Variants in LAMA2 observed in about 807,000 individuals in gnomAD.
LAMA2 encodes laminin subunit alpha 2.
Under a neutral mutation model 364.8 loss-of-function variants are expected in LAMA2, and 269 were observed. That is an observed-to-expected ratio of 0.74 (90% CI 0.67 to 0.82). LAMA2 has a LOEUF of 0.82. Ranked by LOEUF, LAMA2 falls within the 40% of genes least tolerant of loss-of-function variation. The pLI is 0.00. For synonymous variants in LAMA2, 1,379 were observed against 1,370.6 expected, an observed-to-expected ratio of 1.01 and a Z score of -0.14; for missense variants, 3,807 against 3,873.2, an observed-to-expected ratio of 0.98 and a Z score of 0.45.
chr6:129,239,383 A>T (rs1338583271), intron 12 of LAMA2, among the ~76,000 whole-genome samples: 1 of 152,218 alleles, frequency 6.6e-6, no homozygotes, highest in African/African-American at 2.4e-5. Flanking sequence ...GCTGTACCCT[A>T]TATAAGCTTT....
rs7741035 is a variant in LAMA2, at chr6:129,479,021, T to C, written c.7572+208T>C. ...AAGTCCTAGAATTGTGATCCAATTT[T>C]CCAAATGTATAGCTCTTTATAGCAC... On this transcript the variant is annotated intron_variant, in intron 54 of 64. Coordinates refer to ENST00000421865, the MANE Select transcript of LAMA2 (RefSeq NM_000426.4). Among the ~76,000 whole-genome samples, 48,735 of 152,066 alleles carry C rather than the reference T, an allele frequency of 0.32. 8,424 individuals are homozygous for C. Among genetic ancestry groups the C allele is most frequent in the African/African-American group, 0.45 (18,861 of 41,466 alleles).
intron 45 of LAMA2, among the ~76,000 whole-genome samples, chr6:129,451,589 G>C (rs1219460033): frequency 6.6e-6 from 1 of 152,184 alleles, no homozygotes; most frequent in East Asian, 1.9e-4. Flanking sequence ...TAGCAGATCA[G>C]GTGAGGCAAC....
At chr6:128,954,274 G>A (rs916035846) in intron 1 of LAMA2, among the ~76,000 whole-genome samples, 1 of 151,614 alleles carries the variant, frequency 6.6e-6, no homozygotes, top group Non-Finnish European at 1.5e-5. Context: ...CATTTTAGCT[G>A]TTATAAAACA....
intron 35 of LAMA2, among the ~76,000 whole-genome samples, chr6:129,389,220 T>A (rs1347429911): frequency 6.6e-6 from 1 of 152,230 alleles, no homozygotes; most frequent in Non-Finnish European, 1.5e-5. Flanking sequence ...GGAATGGCCA[T>A]ATTTGTTCTT....
At chr6:129,327,208 C>T (rs191647602) in intron 28 of LAMA2, among the ~76,000 whole-genome samples, 1 of 152,110 alleles carries the variant, frequency 6.6e-6, no homozygotes, top group Non-Finnish European at 1.5e-5. Context: ...TTTGCATTAT[C>T]CAAATCAAAA....
rs910429951 is a variant in LAMA2 at position 129,372,333 on chromosome 6, C to G, written c.4959+2343C>G. On this transcript the variant is annotated intron_variant, in intron 34 of 64. Coordinates refer to ENST00000421865, the MANE Select transcript of LAMA2 (RefSeq NM_000426.4). ...CTCCCTCTTCCTTGACCCCTGGCAA[C>G]CACTCATATTTTTACTACATCCATA... Among the ~76,000 whole-genome samples the G allele has an allele frequency of 2.0e-5, 3 of 152,188 alleles. No homozygotes were observed. The South Asian group carries it at 6.2e-4, about 31-fold the overall frequency.
At chr6:129,202,558 G>C (rs573645270) in intron 12 of LAMA2, among the ~76,000 whole-genome samples, 11 of 152,224 alleles carry the variant, frequency 7.2e-5, no homozygotes, top group African/African-American at 2.6e-4. Flanking sequence ...GGATTTCCTA[G>C]TCTCCAGCAC....
chr6:128,956,757 CA>C (rs1781173302), intron 1 of LAMA2, among the ~76,000 whole-genome samples: 1 of 152,008 alleles, frequency 6.6e-6, no homozygotes, highest in East Asian at 1.9e-4. Flanking sequence ...TTATGTCATA[CA>C]AATTCATGTT....
intron 1 of LAMA2, 151 bp downstream of exon 1, chr6:128,883,508 TCAA>T: frequency 7.8e-7 from 1 of 1,275,808 alleles, no homozygotes; most frequent in Non-Finnish European, 1.1e-6. Flanking sequence ...TGAAGCAAGT[TCAA>T]GTTCAATGCC....
At chr6:129,244,920 T>C (rs1338873834) in intron 12 of LAMA2, among the ~76,000 whole-genome samples, 1 of 152,186 alleles carries the variant, frequency 6.6e-6, no homozygotes, top group Non-Finnish European at 1.5e-5. Flanking sequence ...ATAGTAACTA[T>C]AATATTACTT....
At chr6:129,205,485 T>G (rs1267301251) in intron 12 of LAMA2, among the ~76,000 whole-genome samples, 1 of 121,924 alleles carries the variant, frequency 8.2e-6, no homozygotes, top group African/African-American at 4.1e-5. Flanking sequence ...TAAGTATATA[T>G]ATATATATAC....
intron 1 of LAMA2, among the ~76,000 whole-genome samples, chr6:129,028,296 T>C (rs1435014937): frequency 6.6e-6 from 1 of 151,634 alleles, no homozygotes; most frequent in African/African-American, 2.4e-5. Context: ...AGCCATGTTG[T>C]ATTCTTGCAT....
rs915303148 is a variant in LAMA2 at position 129,289,155 on chromosome 6, G to A, written c.2749+1097G>A. ...AAATCACTTTCTGGACCAACTGGCAGCTGTTAATATAACCTGTAAATTGAT... is the reference window on the plus strand; with the variant it reads ...AAATCACTTTCTGGACCAACTGGCAACTGTTAATATAACCTGTAAATTGAT... On this transcript the variant is annotated intron_variant, in intron 19 of 64. Coordinates refer to ENST00000421865, the MANE Select transcript of LAMA2 (RefSeq NM_000426.4). Among the ~76,000 whole-genome samples, 4 of 152,190 alleles carry A rather than the reference G, an allele frequency of 2.6e-5. No individual in the cohort carries two copies. The South Asian group carries it at 6.2e-4, about 24-fold the overall frequency.
chr6:128,939,849 G>T (rs1487619069), intron 1 of LAMA2, among the ~76,000 whole-genome samples: 1 of 152,058 alleles, frequency 6.6e-6, no homozygotes, highest in African/African-American at 2.4e-5. Flanking sequence ...GCCTTTCCTG[G>T]TTCTCCCTGA....
chr6:128,888,342 A>T (rs1273119174), intron 1 of LAMA2, among the ~76,000 whole-genome samples: 1 of 152,196 alleles, frequency 6.6e-6, no homozygotes, highest in Non-Finnish European at 1.5e-5. Flanking sequence ...TAAAGAAGAT[A>T]AAAAAATTCC....
At chr6:129,099,125 G>GTTTTTTTTTTT (rs370334822) in intron 4 of LAMA2, among the ~76,000 whole-genome samples, 13 of 129,794 alleles carry the variant, frequency 1.0e-4, no homozygotes, top group Non-Finnish European at 1.3e-4. Flanking sequence ...TTTTTTTTTT[G>GTTTTTTTTTTT]TTTTTTTTTT....
chr6:129,078,557 T>C (rs959423992), intron 3 of LAMA2, among the ~76,000 whole-genome samples: 3 of 152,208 alleles, frequency 2.0e-5, no homozygotes, highest in Non-Finnish European at 4.4e-5. Flanking sequence ...ATTATCTATT[T>C]TTTTTCTCAA....
At chr6:128,891,804 T>C (rs75921500) in intron 1 of LAMA2, among the ~76,000 whole-genome samples, 453 of 152,198 alleles carry the variant, frequency 3.0e-3, no homozygotes, top group African/African-American at 0.01. Context: ...TTCTCAACTT[T>C]ATAGCTTAGC....
intron 40 of LAMA2, among the ~76,000 whole-genome samples, chr6:129,424,987 TG>T (rs1781255881): frequency 1.3e-5 from 2 of 151,966 alleles, no homozygotes; most frequent in Admixed American, 1.3e-4. Context: ...AGATAAATGT[TG>T]AAACTATGTT....
Sources: allele counts gnomAD v4.1 joint callset (sites outside exome capture counted in the v4.1 genomes callset), GRCh38; gene constraint gnomAD v4.1.1; transcripts MANE v1.5; gene names NCBI Gene and HGNC (gene_info 2026-07-23, HGNC 2026-07-21).